The following ATP6V1E1 variants were observed in gnomAD, a reference collection of about 807,000 sequenced individuals.
ATP6V1E1 encodes the protein V-type proton ATPase subunit E 1.
ATP6V1E1 carries 21 observed loss-of-function variants against 35.2 expected under a neutral mutation model. The observed-to-expected ratio is 0.60, with a 90% CI of 0.42 to 0.86. The LOEUF is 0.86. Ranked by LOEUF, ATP6V1E1 falls within the 40% of genes least tolerant of loss-of-function variation. The probability of loss-of-function intolerance (pLI) is 0.00; values close to 1 mark genes in which losing one functional copy is unlikely to be tolerated. For synonymous variants in ATP6V1E1, 83 were observed against 87.8 expected (o/e 0.95, Z 0.30); for missense variants, 183 against 272.6 (o/e 0.67, Z 2.32).
intron 2 of ATP6V1E1, among the ~76,000 whole-genome samples, chr22:17,617,245 A>C (rs562086929): frequency 6.6e-6 from 1 of 152,318 alleles, no homozygotes; most frequent in Non-Finnish European, 1.5e-5. Context: ...GGCTGTACTA[A>C]AAGGACAATG....
rs139637911 is a variant in ATP6V1E1 at position 17,625,019 on chromosome 22, A to G, written c.33+3584T>C. 6.1e-3 allele frequency among the ~76,000 whole-genome samples: 928 copies of G among 152,258 alleles called. 7 individuals carry two copies. The highest frequency in any genetic ancestry group is 0.021 in the African/African-American group (890 of 41,558). ...TTTTCCACTGCATCAAGCTTTTCCT[A>G]TATTGAAAGAAGCAGAAGAAGCAGT... On this transcript the variant is annotated intron_variant, in intron 1 of 8. Coordinates refer to ENST00000253413, the MANE Select transcript of ATP6V1E1 (RefSeq NM_001696.4).
intron 1 of ATP6V1E1, 84 bp from the exon 2 acceptor site, chr22:17,619,610 G>C (rs1365848757): frequency 1.6e-6 from 2 of 1,214,060 alleles, no homozygotes; most frequent in African/African-American, 1.5e-5. Context: ...TCATAGGTAG[G>C]TGCAGTGGCT....
chr22:17,621,771 T>A (rs1240995089), intron 1 of ATP6V1E1, among the ~76,000 whole-genome samples: 1 of 152,212 alleles, frequency 6.6e-6, no homozygotes, highest in Non-Finnish European at 1.5e-5. Flanking sequence ...TCCTTCTAAC[T>A]TTTTGGGCCT....
intron 7 of ATP6V1E1, chr22:17,597,864 C>G (rs908892262): frequency 8.7e-5 from 22 of 253,960 alleles, no homozygotes; most frequent in Non-Finnish European, 1.5e-4. Context: ...GATAGGGAGT[C>G]TAGCTCCCTA....
At chr22:17,603,664 G>A (rs185625818) in intron 4 of ATP6V1E1, among the ~76,000 whole-genome samples, 5 of 152,232 alleles carry the variant, frequency 3.3e-5, no homozygotes, top group Non-Finnish European at 7.4e-5. Flanking sequence ...AATGAATTTC[G>A]TATTTAGGCT....
intron 8 of ATP6V1E1, among the ~76,000 whole-genome samples, chr22:17,593,294 A>AAC (rs371047558): frequency 1.5e-4 from 23 of 152,000 alleles, no homozygotes; most frequent in African/African-American, 5.1e-4. Context: ...ACAAAAAAAA[A>AAC]CCTAAAGTCA....
chr22:17,626,188 G>A (rs2057903654), intron 1 of ATP6V1E1, among the ~76,000 whole-genome samples: 2 of 151,502 alleles, frequency 1.3e-5, no homozygotes, highest in South Asian at 4.2e-4. Context: ...GCGCCTGTAA[G>A]TCCCAGCTTC....
chr22:17,607,928 G>C (rs1433787203), intron 4 of ATP6V1E1, among the ~76,000 whole-genome samples: 1 of 152,084 alleles, frequency 6.6e-6, no homozygotes, highest in Admixed American at 6.6e-5. Flanking sequence ...CTTCTAATTA[G>C]ACCCTAATAT....
intron 7 of ATP6V1E1, 123 bp downstream of exon 7, chr22:17,598,071 C>T (rs1420378642): frequency 8.0e-6 from 6 of 749,922 alleles, no homozygotes; most frequent in Non-Finnish European, 9.1e-6. Flanking sequence ...GAATACACCA[C>T]AGCTCTAGCC....
chr22:17,594,010 C>T (rs1271695106), intron 8 of ATP6V1E1, among the ~76,000 whole-genome samples: 2 of 152,184 alleles, frequency 1.3e-5, no homozygotes, highest in Non-Finnish European at 2.9e-5. Flanking sequence ...TGATAACAGC[C>T]TGGCCAACAT....
At chr22:17,626,254 G>A (rs981698891) in intron 1 of ATP6V1E1, among the ~76,000 whole-genome samples, 4 of 143,064 alleles carry the variant, frequency 2.8e-5, no homozygotes, top group Non-Finnish European at 6.0e-5. Context: ...CTTGCAGTGA[G>A]CGGAGACCAT....
chr22:17,625,561 G>A (rs747744819), intron 1 of ATP6V1E1, among the ~76,000 whole-genome samples: 3 of 146,186 alleles, frequency 2.1e-5, no homozygotes, highest in Non-Finnish European at 3.1e-5. Flanking sequence ...GATTACAGGC[G>A]TGAGCCGGCC....
intron 7 of ATP6V1E1, chr22:17,597,993 G>C (rs895258157): frequency 6.4e-5 from 35 of 550,952 alleles, no homozygotes; most frequent in Non-Finnish European, 1.0e-4. Flanking sequence ...GACTTTTAGA[G>C]TATATTTAGC....
At position 17,601,192 on chromosome 22, in the gene ATP6V1E1, T is replaced by G; in HGVS notation, c.277-11A>C. The G allele has an allele frequency of 1.9e-6, 3 of 1,609,980 alleles. No homozygotes were observed. The highest frequency in any genetic ancestry group is 2.5e-6 in the Non-Finnish European group (3 of 1,177,258). On this transcript the variant is annotated splice_polypyrimidine_tract_variant and intron_variant, in intron 4 of 8. Coordinates refer to ENST00000253413, the MANE Select transcript of ATP6V1E1 (RefSeq NM_001696.4). ...TTCATTTAGTAGGTCCTACAAAGAT[T>G]AGAAAAGATAAAAGTTATCTACACA... is the stretch of plus-strand genomic sequence containing the variant.
In ATP6V1E1 at chr22:17,613,433, G is replaced by A. The variant is rs17809319; in HGVS notation, c.100-113C>T. 0.091 allele frequency: 69,263 copies of A among 757,930 alleles called. 3,843 individuals are homozygous for A. Among genetic ancestry groups the A allele is most frequent in the African/African-American group, 0.19 (10,704 of 55,814 alleles). The allele number at this position is 757,930 out of a possible 1,614,324, so 47.0% of individuals were successfully genotyped here. A position where few individuals can be genotyped will look rare whatever the true frequency, so the allele number is the denominator to read the frequency against. ...GAACACTAATTTCATATATAAAACA[G>A]AAAATTTATTGTGATTCATTTTCAA... On this transcript the variant is annotated intron_variant, in intron 2 of 8. Transcript: ENST00000253413.
chr22:17,597,354 T>C (rs867713015), intron 7 of ATP6V1E1, among the ~76,000 whole-genome samples: 1 of 151,904 alleles, frequency 6.6e-6, no homozygotes, highest in African/African-American at 2.4e-5. Context: ...GCTCTCCCCT[T>C]GTCAGGAGTT....
Position 17,618,334 on chromosome 22 carries a change from G to T in ATP6V1E1, c.99+1127C>A, listed in dbSNP as rs181309049. Among the ~76,000 whole-genome samples, 927 of 152,188 alleles carry T rather than the reference G, an allele frequency of 6.1e-3. 12 individuals are homozygous for T. Among genetic ancestry groups the T allele is most frequent in the African/African-American group, 0.021 (885 of 41,510 alleles). On this transcript the variant is annotated intron_variant, in intron 2 of 8. Coordinates refer to ENST00000253413, the MANE Select transcript of ATP6V1E1 (RefSeq NM_001696.4). ...TAGAAAGGAAAATTTATTTTTTAAT[G>T]TTAAAGATACAGACATTTCCAATGA...
chr22:17,601,850 G>C (rs909437403), intron 4 of ATP6V1E1, among the ~76,000 whole-genome samples: 2 of 152,158 alleles, frequency 1.3e-5, no homozygotes, highest in African/African-American at 4.8e-5. Flanking sequence ...CAGGTGATCC[G>C]CCTGCCTTGG....
intron 5 of ATP6V1E1, among the ~76,000 whole-genome samples, chr22:17,600,479 A>G (rs1364760367): frequency 6.6e-6 from 1 of 152,058 alleles, no homozygotes; most frequent in African/African-American, 2.4e-5. Flanking sequence ...GTAAAATAAG[A>G]TGCTTCTACA....
Sources: gnomAD v4.1 joint callset for allele counts (sites outside exome capture counted in the v4.1 genomes callset) on GRCh38, gnomAD v4.1.1 for gene constraint, MANE v1.5 for transcripts, NCBI Gene and HGNC (gene_info 2026-07-23, HGNC 2026-07-21) for gene names.